NAALADL2: variants seen among roughly 807,000 people sequenced by gnomAD.
The protein encoded by NAALADL2 is inactive N-acetylated-alpha-linked acidic dipeptidase-like protein 2.
NAALADL2 carries 76 observed loss-of-function variants against 87.2 expected under a neutral mutation model. The ratio of observed to expected loss-of-function variants is 0.87; its 90% confidence interval spans 0.72 to 1.05. The LOEUF (loss-of-function observed/expected upper bound fraction) is 1.05, where lower values mean the gene tolerates loss of function less well. NAALADL2 is among the 50% of genes least tolerant of loss of function. NAALADL2 has a pLI of 0.00. For synonymous variants in NAALADL2, 354 were observed against 331.0 expected (o/e 1.07, Z -0.75); for missense variants, 1,089 against 945.8 (o/e 1.15, Z -1.99).
upstream of NAALADL2, among the ~76,000 whole-genome samples, chr3:174,855,931 A>G (rs1011057691): frequency 6.7e-6 from 1 of 149,046 alleles, no homozygotes. Context: ...CATAGATATG[A>G]ATATATATAC....
intron 1 of NAALADL2, among the ~76,000 whole-genome samples, chr3:175,068,889 G>C (rs1440695364): frequency 2.6e-5 from 4 of 152,092 alleles, no homozygotes; most frequent in South Asian, 2.1e-4. Flanking sequence ...CTCTAAAATA[G>C]ATCAACCATT....
At chr3:175,657,861 C>G (rs1002983408) in intron 11 of NAALADL2, among the ~76,000 whole-genome samples, 1 of 152,014 alleles carries the variant, frequency 6.6e-6, no homozygotes, top group Non-Finnish European at 1.5e-5. Context: ...CAGGCGTGAG[C>G]CACCGTGCCT....
At chr3:175,144,753 G>A (rs73041372) in intron 2 of NAALADL2, among the ~76,000 whole-genome samples, 17,784 of 151,710 alleles carry the variant, frequency 0.12, 1,208 homozygotes, top group African/African-American at 0.17. Flanking sequence ...GCCAGTTCTT[G>A]TGTTTAATGC....
chr3:175,522,807 T>C (rs1732833728), intron 9 of NAALADL2, among the ~76,000 whole-genome samples: 1 of 152,224 alleles, frequency 6.6e-6, no homozygotes, highest in African/African-American at 2.4e-5. Flanking sequence ...GAAATTACTT[T>C]TGGTAAACTG....
rs1403842538 is a variant in NAALADL2, at chr3:175,463,532, G to A, written c.1327+39G>A. The A allele has an allele frequency of 4.6e-6, 5 of 1,077,888 alleles. No individual in the cohort carries two copies. The South Asian group carries it at 7.5e-5, about 16-fold the overall frequency. 66.8% of individuals were successfully genotyped at this position (1,077,888 alleles called of 1,614,324 possible). On this transcript the variant is annotated intron_variant, in intron 7 of 13. Coordinates refer to ENST00000454872, the MANE Select transcript of NAALADL2 (RefSeq NM_207015.3). Reference sequence around the variant, plus strand: ...AAAATTTATAATCTACACTTTATATGAAACTATACAAGGAAATGCTCTGTA... The same window carrying A: ...AAAATTTATAATCTACACTTTATATAAAACTATACAAGGAAATGCTCTGTA...
intron 2 of NAALADL2, among the ~76,000 whole-genome samples, chr3:175,224,347 C>G (rs1743848013): frequency 6.6e-6 from 1 of 152,152 alleles, no homozygotes; most frequent in Non-Finnish European, 1.5e-5. Context: ...GGATGTGTCT[C>G]ACAGCCCGAA....
chr3:175,296,570 G>A (rs970340657), intron 4 of NAALADL2, among the ~76,000 whole-genome samples: 1 of 152,040 alleles, frequency 6.6e-6, no homozygotes, highest in African/African-American at 2.4e-5. Flanking sequence ...GTTTCCAAGA[G>A]GACCAGTATC....
At chr3:174,888,143 C>T (rs1187079627) in intron 1 of NAALADL2, among the ~76,000 whole-genome samples, 2 of 152,130 alleles carry the variant, frequency 1.3e-5, no homozygotes, top group African/African-American at 4.8e-5. Flanking sequence ...GAGAAAATTG[C>T]AGCAAGAGAC....
chr3:174,982,989 G>T (rs1219247705), intron 1 of NAALADL2, among the ~76,000 whole-genome samples: 1 of 152,070 alleles, frequency 6.6e-6, no homozygotes, highest in Admixed American at 6.5e-5. Context: ...TAGTAGAGAC[G>T]GGGTTTCAAC....
intron 1 of NAALADL2, among the ~76,000 whole-genome samples, chr3:174,901,945 T>A (rs1360119410): frequency 2.6e-5 from 4 of 152,182 alleles, no homozygotes; most frequent in Non-Finnish European, 5.9e-5. Context: ...AATGATCCTC[T>A]ATTTTGGAAA....
chr3:175,282,007 T>C (rs1453900279), intron 4 of NAALADL2, among the ~76,000 whole-genome samples: 1 of 152,028 alleles, frequency 6.6e-6, no homozygotes, highest in African/African-American at 2.4e-5. Context: ...CTCTACATGA[T>C]GAATTAATAT....
chr3:175,051,858 A>T (rs1755435731), intron 1 of NAALADL2, among the ~76,000 whole-genome samples: 1 of 152,202 alleles, frequency 6.6e-6, no homozygotes, highest in Admixed American at 6.5e-5. Flanking sequence ...ATTAAGAACC[A>T]ACTGAACACA....
chr3:175,160,934 G>A (rs1733108099), intron 2 of NAALADL2, among the ~76,000 whole-genome samples: 1 of 151,412 alleles, frequency 6.6e-6, no homozygotes, highest in Admixed American at 6.6e-5. Context: ...ATTTGTATTT[G>A]TATATTTAAG....
At chr3:174,818,460 TA>T (rs995089908) in intron 3 of NAALADL2, among the ~76,000 whole-genome samples, 16 of 152,136 alleles carry the variant, frequency 1.1e-4, no homozygotes, top group African/African-American at 2.9e-4. Flanking sequence ...ATATTTTATC[TA>T]AAAAAAATCT....
chr3:175,707,682 A>G, intron 11 of NAALADL2, among the ~76,000 whole-genome samples: 1 of 152,090 alleles, frequency 6.6e-6, no homozygotes, highest in South Asian at 2.1e-4. Context: ...ATATTATGGG[A>G]TTTAGTGAAA....
At chr3:175,722,031 C>T (rs1327508520) in intron 11 of NAALADL2, among the ~76,000 whole-genome samples, 2 of 152,092 alleles carry the variant, frequency 1.3e-5, no homozygotes, top group African/African-American at 4.8e-5. Flanking sequence ...CATACCCACA[C>T]ACCATCAATT....
At chr3:174,995,392 C>A in intron 1 of NAALADL2, among the ~76,000 whole-genome samples, 1 of 152,182 alleles carries the variant, frequency 6.6e-6, no homozygotes, top group East Asian at 1.9e-4. Flanking sequence ...GCACAAAAAT[C>A]AAACTGATAG....
chr3:175,175,822 G>A (rs1735619550), intron 2 of NAALADL2, among the ~76,000 whole-genome samples: 1 of 152,076 alleles, frequency 6.6e-6, no homozygotes, highest in East Asian at 1.9e-4. Context: ...ATATTCAGAT[G>A]TCATAATGGG....
chr3:175,431,422 T>G (rs952639313), intron 5 of NAALADL2, among the ~76,000 whole-genome samples: 2 of 152,028 alleles, frequency 1.3e-5, no homozygotes, highest in Admixed American at 1.3e-4. Flanking sequence ...TATTTGTCAC[T>G]GGCGTAATGT....
Sources: gnomAD v4.1 joint callset for allele counts (sites outside exome capture counted in the v4.1 genomes callset) on GRCh38, gnomAD v4.1.1 for gene constraint, MANE v1.5 for transcripts, NCBI Gene and HGNC (gene_info 2026-07-23, HGNC 2026-07-21) for gene names.